Variants in CCDC85C observed in about 807,000 individuals in gnomAD.
CCDC85C encodes coiled-coil domain containing 85C.
Under a neutral mutation model 38.3 loss-of-function variants are expected in CCDC85C, and 18 were observed. The observed-to-expected ratio is 0.47, with a 90% CI of 0.33 to 0.70. The LOEUF is 0.70. CCDC85C is among the 30% of genes least tolerant of loss of function. CCDC85C has a pLI of 0.03. For missense variants in CCDC85C, 566 were observed against 621.2 expected (o/e 0.91, Z 0.94); for synonymous variants, 264 against 293.8 (o/e 0.90, Z 1.04).
At chr14:99,566,390 T>C (rs2139956018) in intron 1 of CCDC85C, among the ~76,000 whole-genome samples, 1 of 152,280 alleles carries the variant, frequency 6.6e-6, no homozygotes, top group East Asian at 1.9e-4. Context: ...TCACCAAGAA[T>C]GGTTCCTGGT....
rs1272876126 is a variant in CCDC85C, at chr14:99,505,541, C to CT, written c.*9704dup. On this transcript the variant is annotated 3_prime_UTR_variant, in exon 6 of 6. Coordinates refer to ENST00000380243, the MANE Select transcript of CCDC85C (RefSeq NM_001144995.2). ...TCCTTTTTCCTTTTATTTCCAGAGT[C>CT]TTGCTCTGTTAATGCAGGCTGGAGT... The CT allele has an allele frequency of 6.6e-6, 1 of 152,164 alleles. No homozygotes were observed. The highest frequency in any genetic ancestry group is 1.9e-4 in the East Asian group (1 of 5,192). The allele number at this position is 152,164 out of a possible 1,614,324, so 9.4% of individuals were successfully genotyped here.
At chr14:99,591,891 T>C (rs1264377694) in intron 1 of CCDC85C, among the ~76,000 whole-genome samples, 2 of 152,046 alleles carry the variant, frequency 1.3e-5, no homozygotes, top group African/African-American at 4.8e-5. Context: ...TGTACCACCA[T>C]GCCCAGCTAA....
chr14:99,565,021 C>A (rs1898188441), intron 1 of CCDC85C, among the ~76,000 whole-genome samples: 1 of 152,166 alleles, frequency 6.6e-6, no homozygotes. Flanking sequence ...GGACGCAGAC[C>A]CTCTCCCGGC....
chr14:99,509,945 C>G lies in CCDC85C; in HGVS notation c.*5301G>C. The G allele has an allele frequency of 1.7e-6, 1 of 599,646 alleles. No homozygotes were observed. Among genetic ancestry groups the G allele is most frequent in the East Asian group, 2.8e-5 (1 of 35,406 alleles). The allele number at this position is 599,646 out of a possible 1,614,324, so 37.1% of individuals were successfully genotyped here. ...GGCTGAGGGAGGGAAAACCCCAGGT[C>G]GTCGCAGACAGGGTGGAGGGCCTTC... is the stretch of plus-strand genomic sequence containing the variant. On this transcript the variant is annotated 3_prime_UTR_variant, in exon 6 of 6. Coordinates refer to ENST00000380243, the MANE Select transcript of CCDC85C (RefSeq NM_001144995.2).
At chr14:99,555,742 C>G (rs1325744720) in intron 1 of CCDC85C, among the ~76,000 whole-genome samples, 2 of 152,212 alleles carry the variant, frequency 1.3e-5, no homozygotes, top group African/African-American at 4.8e-5. Flanking sequence ...GAGACAAGTG[C>G]GTGTCTGCCT....
chr14:99,587,652 C>T (rs892980684), intron 1 of CCDC85C, among the ~76,000 whole-genome samples: 4 of 152,270 alleles, frequency 2.6e-5, no homozygotes, highest in East Asian at 1.9e-4. Context: ...ATGGGCCTGG[C>T]GTGGGGGAGA....
At position 99,507,102 on chromosome 14, in the gene CCDC85C, A is replaced by G. The variant is rs768938736; in HGVS notation, c.*8144T>C. The G allele has an allele frequency of 7.4e-6, 12 of 1,612,018 alleles. No homozygotes were observed. Among genetic ancestry groups the G allele is most frequent in the Middle Eastern group, 1.6e-4 (1 of 6,080 alleles). ...ACCACCACCACCTAAAATCCCCAAA[A>G]TTGAGACCACTCATCCACCGTTGCC... is the stretch of plus-strand genomic sequence containing the variant. On this transcript the variant is annotated 3_prime_UTR_variant, in exon 6 of 6. Transcript: ENST00000380243.
intron 1 of CCDC85C, among the ~76,000 whole-genome samples, chr14:99,540,816 G>C (rs1897698272): frequency 1.3e-5 from 2 of 152,302 alleles, no homozygotes; most frequent in South Asian, 4.1e-4. Context: ...GAGGGGGTGG[G>C]GGAAAGCTGT....
rs193019948 is a variant in CCDC85C, at chr14:99,516,845, G to A, written c.1071+243C>T. The stretch of plus-strand genomic sequence containing the variant: ...CCTTAGTTGGGTGCCTGCCCTCCCC[G>A]ACCCCAGGCCTCAGTCTTGTTAGGT... On this transcript the variant is annotated intron_variant, in intron 4 of 5. Coordinates refer to ENST00000380243, the MANE Select transcript of CCDC85C (RefSeq NM_001144995.2). This position sits in a 1 kb window ranked among gnomAD's most constrained non-coding sequence, Gnocchi z 5.5. 2.0e-5 allele frequency among the ~76,000 whole-genome samples: 3 copies of A among 152,106 alleles called. No homozygotes were observed. Among genetic ancestry groups the A allele is most frequent in the African/African-American group, 2.4e-5 (1 of 41,480 alleles).
At chr14:99,519,586 T>C (rs968372972) in intron 3 of CCDC85C, among the ~76,000 whole-genome samples, 2 of 152,020 alleles carry the variant, frequency 1.3e-5, no homozygotes, top group Admixed American at 1.3e-4. Flanking sequence ...AAAATAGACA[T>C]CCACAAAATA....
chr14:99,559,549 A>G (rs1298601613), intron 1 of CCDC85C, among the ~76,000 whole-genome samples: 1 of 152,156 alleles, frequency 6.6e-6, no homozygotes, highest in Non-Finnish European at 1.5e-5. Flanking sequence ...AGTGACTTCC[A>G]TTGAGGTAAC....
rs941557 is a variant in CCDC85C, at chr14:99,576,024, C to T, written c.793+27143G>A. Among the ~76,000 whole-genome samples the T allele has an allele frequency of 0.31, 47,042 of 152,092 alleles. 8,395 individuals carry two copies. Among genetic ancestry groups the T allele is most frequent in the Non-Finnish European group, 0.4 (27,283 of 67,956 alleles). On this transcript the variant is annotated intron_variant, in intron 1 of 5. Transcript: ENST00000380243. The surrounding 1 kb of genome is among the most constrained non-coding windows in gnomAD (Gnocchi z 4.8). Reference sequence around the variant, plus strand: ...TGCAACAGAAAACCCGGGGGAAACCCGCTGCTGTGACCACCCCACTCCTCC... The same window carrying T: ...TGCAACAGAAAACCCGGGGGAAACCTGCTGCTGTGACCACCCCACTCCTCC...
chr14:99,500,514 T>G lies in CCDC85C; in HGVS notation c.*14732A>C. ...ATGTATGTATTGAAAATAATAATAT[T>G]TTTAAGGATCTTTTGTTTTCAGTAT... On this transcript the variant is annotated 3_prime_UTR_variant, in exon 6 of 6. Coordinates refer to ENST00000380243, the MANE Select transcript of CCDC85C (RefSeq NM_001144995.2). The G allele has an allele frequency of 2.5e-6, 1 of 404,198 alleles. No homozygotes were observed. Among genetic ancestry groups the G allele is most frequent in the Admixed American group, 4.2e-5 (1 of 23,598 alleles). The allele number at this position is 404,198 out of a possible 1,614,324, so 25.0% of individuals were successfully genotyped here. A position where few individuals can be genotyped will look rare whatever the true frequency, so the allele number is the denominator to read the frequency against.
At chr14:99,529,380 T>G (rs1258428299) in intron 2 of CCDC85C, among the ~76,000 whole-genome samples, 1 of 151,322 alleles carries the variant, frequency 6.6e-6, no homozygotes, top group Non-Finnish European at 1.5e-5. Flanking sequence ...GTGTGTGTGT[T>G]TTGTTTCTTT....
At position 99,604,114 on chromosome 14, in the gene CCDC85C, G is replaced by A; in HGVS notation, c.-155C>T. 2.8e-6 allele frequency: 2 copies of A among 717,476 alleles called. No individual in the cohort carries two copies. Among genetic ancestry groups the A allele is most frequent in the Non-Finnish European group, 1.7e-6 (1 of 589,268 alleles). 44.4% of individuals were successfully genotyped at this position (717,476 alleles called of 1,614,324 possible). ...CCTGGCGCGTCCTCTCGCCGCGCCC[G>A]CCGGGGCCGCCCGGGAGCCCGCGCG... On this transcript the variant is annotated 5_prime_UTR_variant, in exon 1 of 6. Transcript: ENST00000380243.
chr14:99,525,573 C>T lies in CCDC85C; in HGVS notation c.868-3333G>A, dbSNP rs974332489. Among the ~76,000 whole-genome samples, 4 of 152,246 alleles carry T rather than the reference C, an allele frequency of 2.6e-5. No homozygotes were observed. The South Asian group carries it at 8.3e-4, about 31-fold the overall frequency. The stretch of plus-strand genomic sequence containing the variant: ...TTTTGGGCCCTCAAATGTGCTGCAT[C>T]GGTTATGTGTCCGAGAGGCACAAAC... On this transcript the variant is annotated intron_variant, in intron 2 of 5. Coordinates refer to ENST00000380243, the MANE Select transcript of CCDC85C (RefSeq NM_001144995.2).
chr14:99,531,535 G>A (rs1897492736), intron 2 of CCDC85C, among the ~76,000 whole-genome samples: 1 of 138,192 alleles, frequency 7.2e-6, no homozygotes, highest in Admixed American at 8.5e-5. Flanking sequence ...TGAACATGCT[G>A]GCACATTTTT....
At chr14:99,597,697 AT>A (rs1350972511) in intron 1 of CCDC85C, among the ~76,000 whole-genome samples, 4 of 152,100 alleles carry the variant, frequency 2.6e-5, no homozygotes, top group Non-Finnish European at 5.9e-5. Flanking sequence ...CAGGCCCCGG[AT>A]TCTCAATGCC....
chr14:99,535,900 G>A lies in CCDC85C; in HGVS notation c.867+115C>T, dbSNP rs1897587066. 1.9e-5 allele frequency: 14 copies of A among 753,384 alleles called. No homozygotes were observed. In the South Asian group the frequency reaches 2.0e-4, roughly 11 times the overall value. The allele number at this position is 753,384 out of a possible 1,614,324, so 46.7% of individuals were successfully genotyped here. On this transcript the variant is annotated intron_variant, in intron 2 of 5. Transcript: ENST00000380243. This position sits in a 1 kb window ranked among gnomAD's most constrained non-coding sequence, Gnocchi z 5.5. ...ACTTTCCAGGAGGTGACAGGTGGCA[G>A]TGGGAGCAGTTGGGGGGACAGCCTA...
Sources: gnomAD v4.1 joint callset for allele counts (sites outside exome capture counted in the v4.1 genomes callset) on GRCh38, gnomAD v4.1.1 for gene constraint, Gnocchi (gnomAD v3.1) non-coding constraint, MANE v1.5 for transcripts, NCBI Gene and HGNC (gene_info 2026-07-23, HGNC 2026-07-21) for gene names.